PCDH9: variants seen among roughly 807,000 people sequenced by gnomAD.
PCDH9 encodes protocadherin-9.
PCDH9 carries 24 observed loss-of-function variants against 70.6 expected under a neutral mutation model. The observed-to-expected ratio is 0.34, with a 90% CI of 0.25 to 0.48. PCDH9 has a LOEUF of 0.48. Among genes scored for constraint, PCDH9 ranks in the 20% least tolerant of loss-of-function variants. PCDH9 has a pLI of 0.99. For missense variants in PCDH9, 1,281 were observed against 1,503.6 expected (o/e 0.85, Z 2.45); for synonymous variants, 562 against 558.5 (o/e 1.01, Z -0.09).
chr13:66,589,107 T>A (rs2077004672), intron 4 of PCDH9, among the ~76,000 whole-genome samples: 1 of 152,060 alleles, frequency 6.6e-6, no homozygotes, highest in Non-Finnish European at 1.5e-5. Flanking sequence ...ATTAAATATG[T>A]CCTATTCTTT....
At chr13:67,158,787 T>A (rs1415494361) in intron 2 of PCDH9, among the ~76,000 whole-genome samples, 1 of 152,192 alleles carries the variant, frequency 6.6e-6, no homozygotes, top group East Asian at 1.9e-4. Flanking sequence ...TCACTCTTTA[T>A]GAGATATAGT....
intron 3 of PCDH9, among the ~76,000 whole-genome samples, chr13:66,753,688 T>C (rs1281718009): frequency 6.6e-6 from 1 of 152,162 alleles, no homozygotes; most frequent in African/African-American, 2.4e-5. Flanking sequence ...ATCTGTCTTC[T>C]CACTTTCATC....
chr13:66,988,128 T>C (rs1466594608), intron 2 of PCDH9, among the ~76,000 whole-genome samples: 2 of 151,986 alleles, frequency 1.3e-5, no homozygotes, highest in Non-Finnish European at 2.9e-5. Context: ...CCCAAACTCC[T>C]GGGCTCAAGA....
At chr13:67,168,112 T>A (rs1850960089) in intron 2 of PCDH9, among the ~76,000 whole-genome samples, 1 of 152,168 alleles carries the variant, frequency 6.6e-6, no homozygotes, top group Non-Finnish European at 1.5e-5. Flanking sequence ...GTAGACAACT[T>A]CTCCAGAAAA....
At chr13:66,412,716 G>A (rs9540740) in intron 4 of PCDH9, among the ~76,000 whole-genome samples, 14,074 of 152,130 alleles carry the variant, frequency 0.093, 830 homozygotes, top group Middle Eastern at 0.2. Flanking sequence ...CAATGCTAGT[G>A]TCCAAAAACT....
chr13:67,192,098 AG>A lies in PCDH9; in HGVS notation c.3036+33306del, dbSNP rs137908849. ...GTCTATAATTAAAAGAATTGCTGGAAGATGTAGAAAGAGATGAACACAGTTC... is the reference window on the plus strand; with the variant it reads ...GTCTATAATTAAAAGAATTGCTGGAAATGTAGAAAGAGATGAACACAGTTC... On this transcript the variant is annotated intron_variant, in intron 2 of 4. Coordinates refer to ENST00000377865, the MANE Select transcript of PCDH9 (RefSeq NM_203487.3). 5.0e-3 allele frequency among the ~76,000 whole-genome samples: 762 copies of A among 152,230 alleles called. 8 individuals are homozygous for A. The highest frequency in any genetic ancestry group is 0.017 in the African/African-American group (721 of 41,540).
At chr13:66,613,123 G>A (rs539298654) in intron 4 of PCDH9, among the ~76,000 whole-genome samples, 1 of 152,112 alleles carries the variant, frequency 6.6e-6, no homozygotes, top group East Asian at 1.9e-4. Flanking sequence ...TCTTTTTTGG[G>A]AGAGACCTGC....
chr13:66,504,807 A>C (rs971061377), intron 4 of PCDH9, among the ~76,000 whole-genome samples: 2 of 152,224 alleles, frequency 1.3e-5, no homozygotes, highest in Admixed American at 1.3e-4. Context: ...AAAGCTGGAT[A>C]AGTAATGCTT....
chr13:66,590,936 C>A (rs1401772243), intron 4 of PCDH9, among the ~76,000 whole-genome samples: 2 of 151,188 alleles, frequency 1.3e-5, no homozygotes, highest in Non-Finnish European at 3.0e-5. Flanking sequence ...TATCAGTATC[C>A]AAATAAACCC....
At chr13:66,460,428 T>C (rs901049215) in intron 4 of PCDH9, among the ~76,000 whole-genome samples, 1 of 151,848 alleles carries the variant, frequency 6.6e-6, no homozygotes, top group African/African-American at 2.4e-5. Context: ...ATGTTCTTCA[T>C]GGTCACATTA....
chr13:66,545,023 G>A (rs1468679766), intron 4 of PCDH9, among the ~76,000 whole-genome samples: 2 of 152,098 alleles, frequency 1.3e-5, no homozygotes, highest in Non-Finnish European at 2.9e-5. Context: ...ATAACAGACT[G>A]TTTAGTGTAA....
intron 4 of PCDH9, among the ~76,000 whole-genome samples, chr13:66,484,404 G>A (rs1958902012): frequency 6.6e-6 from 1 of 152,096 alleles, no homozygotes; most frequent in South Asian, 2.1e-4. Flanking sequence ...GGGCAGTGAA[G>A]AAGCGAGCCA....
At chr13:67,161,836 C>G (rs1375175356) in intron 2 of PCDH9, among the ~76,000 whole-genome samples, 2 of 152,114 alleles carry the variant, frequency 1.3e-5, no homozygotes, top group Admixed American at 6.6e-5. Flanking sequence ...ATTAGTCTCC[C>G]AACTACAGAT....
intron 3 of PCDH9, among the ~76,000 whole-genome samples, chr13:66,765,165 G>A (rs1276162357): frequency 6.7e-6 from 1 of 150,280 alleles, no homozygotes; most frequent in Non-Finnish European, 1.5e-5. Context: ...TCTAAAATGA[G>A]CTCTGGCAGA....
At chr13:66,561,794 A>G (rs1309150759) in intron 4 of PCDH9, among the ~76,000 whole-genome samples, 2 of 152,210 alleles carry the variant, frequency 1.3e-5, no homozygotes, top group South Asian at 2.1e-4. Context: ...GGCTCTACCA[A>G]TCAGCAGGAT....
At chr13:66,623,916 A>G (rs2077466117) in intron 4 of PCDH9, among the ~76,000 whole-genome samples, 1 of 152,226 alleles carries the variant, frequency 6.6e-6, no homozygotes. Flanking sequence ...TATTAAAACT[A>G]TACTCAGTGA....
At chr13:66,999,738 A>G (rs1217986893) in intron 2 of PCDH9, among the ~76,000 whole-genome samples, 40 of 152,226 alleles carry the variant, frequency 2.6e-4, no homozygotes, top group African/African-American at 9.4e-4. Flanking sequence ...AAAAATGCTC[A>G]CCATCACTGG....
chr13:66,547,222 A>T (rs972579430), intron 4 of PCDH9, among the ~76,000 whole-genome samples: 2 of 152,226 alleles, frequency 1.3e-5, no homozygotes, highest in Non-Finnish European at 2.9e-5. Flanking sequence ...AGATCACAGT[A>T]AAGCTTACAT....
intron 4 of PCDH9, among the ~76,000 whole-genome samples, chr13:66,475,901 C>T (rs895599844): frequency 6.6e-6 from 1 of 152,082 alleles, no homozygotes; most frequent in Non-Finnish European, 1.5e-5. Flanking sequence ...CAGAATTCAC[C>T]TCTAAGTCTC....
Sources: gnomAD v4.1 joint callset for allele counts (sites outside exome capture counted in the v4.1 genomes callset) on GRCh38, gnomAD v4.1.1 for gene constraint, MANE v1.5 for transcripts, NCBI Gene and HGNC (gene_info 2026-07-23, HGNC 2026-07-21) for gene names.